The following GREM2 variants were observed in gnomAD, a reference collection of about 807,000 sequenced individuals.
GREM2 encodes the protein gremlin-2.
In GREM2, 11 loss-of-function variants were observed where a neutral mutation model predicts 14.2. The ratio of observed to expected loss-of-function variants is 0.78; its 90% CI spans 0.49 to 1.28. GREM2 has a LOEUF of 1.28. Ranked by LOEUF, GREM2 falls within the 50% of genes most tolerant of loss-of-function variation. The probability of loss-of-function intolerance (pLI) is 0.00; values close to 1 mark genes in which losing one functional copy is unlikely to be tolerated. For synonymous variants in GREM2, 98 were observed against 97.6 expected (o/e 1.00, Z -0.02); for missense variants, 210 against 218.5 (o/e 0.96, Z 0.24).
At chr1:240,589,440 A>G (rs1679665238) in intron 1 of GREM2, among the ~76,000 whole-genome samples, 1 of 133,266 alleles carries the variant, frequency 7.5e-6, no homozygotes, top group Non-Finnish European at 1.6e-5. Context: ...CATCTCAGAA[A>G]AAAAGAAAAA....
At chr1:240,548,592 A>G (rs1395753190) in intron 1 of GREM2, among the ~76,000 whole-genome samples, 1 of 152,222 alleles carries the variant, frequency 6.6e-6, no homozygotes, top group African/African-American at 2.4e-5. Context: ...ATATGAGTCC[A>G]GTTTAAGATG....
At chr1:240,596,552 C>T (rs1441417430) in intron 1 of GREM2, among the ~76,000 whole-genome samples, 2 of 152,090 alleles carry the variant, frequency 1.3e-5, no homozygotes, top group East Asian at 1.9e-4. Context: ...CAAAAATTAG[C>T]CGGTCATAGT....
chr1:240,611,653 G>A (rs556905057), intron 1 of GREM2, among the ~76,000 whole-genome samples: 1 of 152,156 alleles, frequency 6.6e-6, no homozygotes, highest in Non-Finnish European at 1.5e-5. Context: ...GGTCAAGTTT[G>A]AAGGTCCTTA....
intron 1 of GREM2, among the ~76,000 whole-genome samples, chr1:240,510,176 T>C (rs567229961): frequency 3.7e-4 from 57 of 152,064 alleles, no homozygotes; most frequent in Admixed American, 4.6e-4. Flanking sequence ...GGGACCATCC[T>C]GGCTAACACG....
At chr1:240,510,857 A>G (rs1292998165) in intron 1 of GREM2, among the ~76,000 whole-genome samples, 1 of 152,230 alleles carries the variant, frequency 6.6e-6, no homozygotes, top group African/African-American at 2.4e-5. Context: ...GGCATTAGGT[A>G]TGAACCAAGG....
chr1:240,501,584 A>G (rs1345836629), intron 1 of GREM2, among the ~76,000 whole-genome samples: 2 of 152,194 alleles, frequency 1.3e-5, no homozygotes, highest in Non-Finnish European at 2.9e-5. Flanking sequence ...GCAGCAAAGC[A>G]TTAAATTAAA....
At chr1:240,555,573 T>C (rs1336752242) in intron 1 of GREM2, among the ~76,000 whole-genome samples, 1 of 152,248 alleles carries the variant, frequency 6.6e-6, no homozygotes, top group Non-Finnish European at 1.5e-5. Flanking sequence ...CGGTGTGCCC[T>C]CTTGCTGTCT....
intron 1 of GREM2, among the ~76,000 whole-genome samples, chr1:240,511,583 A>G (rs932921686): frequency 2.0e-5 from 3 of 152,086 alleles, no homozygotes; most frequent in African/African-American, 7.2e-5. Context: ...AAACCCCGTC[A>G]CTACTAAAAA....
intron 1 of GREM2, among the ~76,000 whole-genome samples, chr1:240,576,866 T>G (rs940909677): frequency 5.3e-5 from 8 of 152,168 alleles, no homozygotes; most frequent in African/African-American, 1.9e-4. Context: ...GTTTACTGTA[T>G]TTTATTTTTA....
intron 1 of GREM2, among the ~76,000 whole-genome samples, chr1:240,563,863 G>A (rs912860327): frequency 6.6e-6 from 1 of 152,090 alleles, no homozygotes; most frequent in Non-Finnish European, 1.5e-5. Context: ...CTCTGTTTAG[G>A]GATGTATTAA....
chr1:240,584,738 A>G (rs78691552), intron 1 of GREM2, among the ~76,000 whole-genome samples: 2,596 of 152,204 alleles, frequency 0.017, 23 homozygotes, highest in Non-Finnish European at 0.028. Context: ...GCAATGCAGT[A>G]TAACAACTAT....
intron 1 of GREM2, among the ~76,000 whole-genome samples, chr1:240,586,163 T>C (rs191006111): frequency 1.4e-4 from 22 of 152,248 alleles, no homozygotes; most frequent in Admixed American, 4.6e-4. Flanking sequence ...AGACAAAGAT[T>C]ACTACATAGT....
chr1:240,576,640 T>A (rs1159341445), intron 1 of GREM2, among the ~76,000 whole-genome samples: 1 of 152,160 alleles, frequency 6.6e-6, no homozygotes, highest in Non-Finnish European at 1.5e-5. Flanking sequence ...TCAGATAACA[T>A]AATTCTAATT....
intron 1 of GREM2, among the ~76,000 whole-genome samples, chr1:240,546,068 C>T (rs775846486): frequency 1.4e-4 from 21 of 152,230 alleles, no homozygotes; most frequent in Non-Finnish European, 2.6e-4. Context: ...GGCACGGTGG[C>T]GCATGCCTGT....
intron 1 of GREM2, among the ~76,000 whole-genome samples, chr1:240,610,643 C>A (rs796480142): frequency 6.6e-6 from 1 of 152,212 alleles, no homozygotes; most frequent in Non-Finnish European, 1.5e-5. Flanking sequence ...AAGCTAAGCA[C>A]GGCTGAATGG....
At chr1:240,561,330 C>T (rs1400604819) in intron 1 of GREM2, among the ~76,000 whole-genome samples, 2 of 151,998 alleles carry the variant, frequency 1.3e-5, no homozygotes, top group African/African-American at 4.8e-5. Flanking sequence ...GAAAGATCAC[C>T]CACAAGGGAG....
At chr1:240,493,682 C>A (rs1044216319) in intron 1 of GREM2, among the ~76,000 whole-genome samples, 18 of 150,604 alleles carry the variant, frequency 1.2e-4, no homozygotes, top group African/African-American at 3.9e-4. Flanking sequence ...TGCACCACCA[C>A]GCCCATCTAC....
chr1:240,603,187 A>G (rs1165476965), intron 1 of GREM2, among the ~76,000 whole-genome samples: 2 of 152,200 alleles, frequency 1.3e-5, no homozygotes, highest in African/African-American at 4.8e-5. Context: ...GGCACCAGCC[A>G]CACCTGATCA....
At chr1:240,521,375 T>C (rs985208604) in intron 1 of GREM2, among the ~76,000 whole-genome samples, 5 of 152,076 alleles carry the variant, frequency 3.3e-5, no homozygotes, top group Middle Eastern at 3.2e-3. Flanking sequence ...GAGACCATCC[T>C]GGCTAACACG....
Sources: allele counts gnomAD v4.1 joint callset (sites outside exome capture counted in the v4.1 genomes callset), GRCh38; gene constraint gnomAD v4.1.1; transcripts MANE v1.5; gene names NCBI Gene and HGNC (gene_info 2026-07-23, HGNC 2026-07-21).